The following DLG2 variants were observed in gnomAD, a reference collection of about 807,000 sequenced individuals.
DLG2 encodes the protein discs large MAGUK scaffold protein 2, also known as disks large homolog 2.
Under a neutral mutation model 132.5 loss-of-function variants are expected in DLG2, and 45 were observed. That is an observed-to-expected ratio of 0.34 (90% CI 0.27 to 0.44). The LOEUF is 0.44. Ranked by LOEUF, DLG2 falls within the 20% of genes least tolerant of loss-of-function variation. The pLI is 1.00. For synonymous variants in DLG2, 424 were observed against 419.6 expected (o/e 1.01, Z -0.13); for missense variants, 1,045 against 1,196.9 (o/e 0.87, Z 1.87).
intron 15 of DLG2, among the ~76,000 whole-genome samples, chr11:83,883,722 A>G (rs1181432061): frequency 1.3e-5 from 2 of 152,096 alleles, no homozygotes; most frequent in Non-Finnish European, 2.9e-5. Flanking sequence ...GGCTAGCTAT[A>G]CATCATTCTT....
intron 5 of DLG2, among the ~76,000 whole-genome samples, chr11:85,130,171 A>G (rs1473459455): frequency 5.9e-5 from 9 of 152,300 alleles, no homozygotes; most frequent in African/African-American, 2.2e-4. Flanking sequence ...AAACCTACAC[A>G]TTCTGCACAT....
At chr11:84,931,399 T>C (rs530348194) in intron 6 of DLG2, among the ~76,000 whole-genome samples, 1 of 152,298 alleles carries the variant, frequency 6.6e-6, no homozygotes, top group South Asian at 2.1e-4. Flanking sequence ...CTCCCACTTG[T>C]AAGTGAGAGC....
In DLG2 at chr11:84,108,738, A is replaced by G. The variant is rs569512792; in HGVS notation, c.625-9691T>C. 1.1e-4 allele frequency among the ~76,000 whole-genome samples: 16 copies of G among 151,840 alleles called. No homozygotes were observed. In the East Asian group the frequency reaches 3.1e-3, roughly 30 times the overall value. On this transcript the variant is annotated intron_variant, in intron 9 of 27. Transcript: ENST00000376104. Reference sequence around the variant, plus strand: ...ACATTATCTGATCTAGTTTAAGATTATACTTTTTATTGTGTACAAACTTAT... The same window carrying G: ...ACATTATCTGATCTAGTTTAAGATTGTACTTTTTATTGTGTACAAACTTAT...
chr11:84,597,863 C>G (rs1305868722), intron 6 of DLG2, among the ~76,000 whole-genome samples: 1 of 152,112 alleles, frequency 6.6e-6, no homozygotes. Flanking sequence ...ACAACAAAAT[C>G]CATTTAATGT....
In DLG2 at chr11:85,281,993, G is replaced by A. The variant is rs539850738; in HGVS notation, c.186+3227C>T. Among the ~76,000 whole-genome samples, 8 of 151,828 alleles carry A rather than the reference G, an allele frequency of 5.3e-5. No homozygotes were observed. The East Asian group carries it at 1.5e-3, about 29-fold the overall frequency. ...CAACAGATGAATGGATAAAGAAAAT[G>A]TGGTACATACACACAATGGGAATTT... On this transcript the variant is annotated intron_variant, in intron 4 of 27. Coordinates refer to ENST00000376104, the MANE Select transcript of DLG2 (RefSeq NM_001142699.3).
At chr11:83,994,578 C>A (rs1378923432) in intron 11 of DLG2, among the ~76,000 whole-genome samples, 1 of 152,048 alleles carries the variant, frequency 6.6e-6, no homozygotes, top group Non-Finnish European at 1.5e-5. Flanking sequence ...AAATAAAAAT[C>A]ACTGGATCTT....
At chr11:83,460,021 A>G in intron 27 of DLG2, 97 bp from the exon 28 acceptor site, 2 of 616,702 alleles carry the variant, frequency 3.2e-6, no homozygotes, top group Admixed American at 2.7e-5. Flanking sequence ...TCAGTAGCAG[A>G]TGACTCATCA....
intron 3 of DLG2, among the ~76,000 whole-genome samples, chr11:85,387,039 C>T (rs1028578508): frequency 4.0e-5 from 6 of 151,848 alleles, no homozygotes; most frequent in Admixed American, 3.9e-4. Context: ...AGGCACACAC[C>T]ACCACACTCA....
At chr11:84,029,663 C>T (rs1034436381) in intron 11 of DLG2, among the ~76,000 whole-genome samples, 18 of 152,086 alleles carry the variant, frequency 1.2e-4, no homozygotes, top group African/African-American at 4.3e-4. Context: ...TGGCAGGTCC[C>T]AGGACTCTCG....
At chr11:84,851,897 T>C (rs1353670825) in intron 6 of DLG2, among the ~76,000 whole-genome samples, 1 of 151,896 alleles carries the variant, frequency 6.6e-6, no homozygotes, top group Non-Finnish European at 1.5e-5. Context: ...TGTATTTAAG[T>C]AAACATGAAG....
chr11:85,258,973 A>C (rs917227600), intron 4 of DLG2, among the ~76,000 whole-genome samples: 15 of 152,188 alleles, frequency 9.9e-5, no homozygotes, highest in Non-Finnish European at 1.8e-4. Flanking sequence ...AGATTAAAAA[A>C]CTGAGCTTCA....
chr11:84,595,228 C>T (rs1267691738), intron 6 of DLG2, among the ~76,000 whole-genome samples: 2 of 152,116 alleles, frequency 1.3e-5, no homozygotes, highest in African/African-American at 4.8e-5. Flanking sequence ...CCTTTGCCTC[C>T]AGACTAACTG....
chr11:84,972,289 A>T (rs570550068), intron 6 of DLG2, among the ~76,000 whole-genome samples: 31 of 152,252 alleles, frequency 2.0e-4, no homozygotes, highest in African/African-American at 7.0e-4. Context: ...ATTGTTTTAC[A>T]TTTGCATACA....
chr11:84,475,140 T>C (rs1383254279), intron 7 of DLG2, among the ~76,000 whole-genome samples: 1 of 152,178 alleles, frequency 6.6e-6, no homozygotes, highest in Non-Finnish European at 1.5e-5. Context: ...TAGGTTATTT[T>C]GTTCTTGGCT....
At chr11:84,600,159 G>GAAAGAAAGAAA (rs2099572500) in intron 6 of DLG2, among the ~76,000 whole-genome samples, 34 of 96,146 alleles carry the variant, frequency 3.5e-4, no homozygotes, top group Non-Finnish European at 5.3e-4. Flanking sequence ...AAAGAAAGAA[G>GAAAGAAAGAAA]GAAAGAAAGA....
Position 84,394,091 on chromosome 11 carries a change from G to A in DLG2, c.519+140479C>T, listed in dbSNP as rs575628095. 2.0e-5 allele frequency among the ~76,000 whole-genome samples: 3 copies of A among 152,190 alleles called. No homozygotes were observed. In the South Asian group the frequency reaches 6.2e-4, roughly 32 times the overall value. On this transcript the variant is annotated intron_variant, in intron 7 of 27. Coordinates refer to ENST00000376104, the MANE Select transcript of DLG2 (RefSeq NM_001142699.3). Reference sequence around the variant, plus strand: ...AGGGTTTCACTATGTTGGCCAGGCTGGTCTCGAACTCCTGATCTCAAGCGA... The same window carrying A: ...AGGGTTTCACTATGTTGGCCAGGCTAGTCTCGAACTCCTGATCTCAAGCGA...
intron 16 of DLG2, among the ~76,000 whole-genome samples, chr11:83,858,266 G>A (rs569073033): frequency 1.3e-5 from 2 of 152,260 alleles, no homozygotes; most frequent in African/African-American, 2.4e-5. Flanking sequence ...GGCTTCTTGG[G>A]TATGTCAGGG....
At chr11:84,555,768 G>A (rs1386160138) in intron 6 of DLG2, among the ~76,000 whole-genome samples, 1 of 152,192 alleles carries the variant, frequency 6.6e-6, no homozygotes. Context: ...TAACACTACT[G>A]AACTGTACAG....
chr11:83,932,581 C>CA (rs1205819486), intron 14 of DLG2, among the ~76,000 whole-genome samples: 1 of 152,118 alleles, frequency 6.6e-6, no homozygotes, highest in African/African-American at 2.4e-5. Flanking sequence ...TATATTCTAT[C>CA]ATATAGTATG....
Sources: allele counts gnomAD v4.1 joint callset (sites outside exome capture counted in the v4.1 genomes callset), GRCh38; gene constraint gnomAD v4.1.1; transcripts MANE v1.5; gene names NCBI Gene and HGNC (gene_info 2026-07-23, HGNC 2026-07-21).